Variants in ADAMTSL3 observed in about 807,000 individuals in gnomAD.
ADAMTSL3 encodes the protein ADAMTS-like protein 3.
A neutral mutation model predicts 201.7 loss-of-function variants in ADAMTSL3; 128 were observed. The observed-to-expected ratio is 0.63, with a 90% CI of 0.55 to 0.73. The LOEUF (loss-of-function observed/expected upper bound fraction) is 0.73, where lower values mean the gene tolerates loss of function less well. Ranked by LOEUF, ADAMTSL3 falls within the 30% of genes least tolerant of loss-of-function variation. ADAMTSL3 has a pLI of 0.00. For synonymous variants in ADAMTSL3, 738 were observed against 748.4 expected (o/e 0.99, Z 0.23); for missense variants, 1,990 against 2,119.6 (o/e 0.94, Z 1.20).
chr15:83,703,214 A>G (rs1016748732), intron 2 of ADAMTSL3, among the ~76,000 whole-genome samples: 2 of 152,158 alleles, frequency 1.3e-5, no homozygotes, highest in Admixed American at 1.3e-4. Context: ...TCTAGGAAGT[A>G]ACTAGCTTGC....
chr15:83,657,097 G>A (rs1455392250), intron 2 of ADAMTSL3, among the ~76,000 whole-genome samples: 3 of 152,196 alleles, frequency 2.0e-5, no homozygotes, highest in Non-Finnish European at 4.4e-5. Context: ...TCTGGCCAGC[G>A]AGATGACTGT....
chr15:83,667,450 C>T (rs974445085), intron 2 of ADAMTSL3, among the ~76,000 whole-genome samples: 3 of 148,316 alleles, frequency 2.0e-5, no homozygotes, highest in East Asian at 2.0e-4. Flanking sequence ...CAAACAACAA[C>T]AAAAAGAACA....
chr15:83,757,879 A>G (rs532426769), intron 3 of ADAMTSL3, among the ~76,000 whole-genome samples: 1 of 152,178 alleles, frequency 6.6e-6, no homozygotes, highest in South Asian at 2.1e-4. Context: ...GTACAAAATG[A>G]TGCCAGTCTC....
At chr15:83,943,595 A>G (rs1422663942) in intron 19 of ADAMTSL3, among the ~76,000 whole-genome samples, 1 of 152,252 alleles carries the variant, frequency 6.6e-6, no homozygotes, top group Non-Finnish European at 1.5e-5. Context: ...GGCTTGACCC[A>G]GTCTAGTAAT....
intron 6 of ADAMTSL3, among the ~76,000 whole-genome samples, chr15:83,823,879 CCTTCTTCTTCTTCCTCTTCTT>C (rs1304575713): frequency 0.017 from 2,362 of 141,488 alleles, 133 homozygotes; most frequent in South Asian, 0.043. Context: ...GACTCCATTT[CCTTCTTCTTCTTCCTCTTCTT>C]CTTCTTCTTC....
intron 20 of ADAMTSL3, among the ~76,000 whole-genome samples, chr15:83,974,924 C>T (rs2067256343): frequency 6.6e-6 from 1 of 151,594 alleles, no homozygotes; most frequent in Admixed American, 6.6e-5. Context: ...CAGCCCCTTC[C>T]CAGGGCTATC....
chr15:83,711,386 G>T (rs1338059545), intron 3 of ADAMTSL3, among the ~76,000 whole-genome samples: 1 of 152,174 alleles, frequency 6.6e-6, no homozygotes, highest in African/African-American at 2.4e-5. Flanking sequence ...GGTCTACTGG[G>T]TATTTTCATC....
At chr15:84,031,221 G>A in intron 27 of ADAMTSL3, 114 bp from the exon 28 acceptor site, 1 of 1,005,782 alleles carries the variant, frequency 9.9e-7, no homozygotes, top group South Asian at 1.4e-5. Context: ...GGGACAGTTG[G>A]TTACAGTCCC....
intron 23 of ADAMTSL3, among the ~76,000 whole-genome samples, chr15:83,996,429 A>G (rs993331702): frequency 6.6e-6 from 1 of 152,222 alleles, no homozygotes; most frequent in Non-Finnish European, 1.5e-5. Context: ...AATATTTGTT[A>G]TATAGTACCA....
At chr15:83,789,780 C>T (rs2063317157) in intron 4 of ADAMTSL3, among the ~76,000 whole-genome samples, 1 of 152,014 alleles carries the variant, frequency 6.6e-6, no homozygotes, top group Admixed American at 6.6e-5. Flanking sequence ...ACTGTTTTAC[C>T]CTCTTTAGAT....
chr15:84,031,195 C>T (rs1211992611), intron 27 of ADAMTSL3, 140 bp from the exon 28 acceptor site: 1 of 793,416 alleles, frequency 1.3e-6, no homozygotes. Context: ...CCCTAATCCT[C>T]TTTAACTCCC....
At chr15:83,770,891 C>T (rs2062971521) in intron 3 of ADAMTSL3, among the ~76,000 whole-genome samples, 1 of 152,044 alleles carries the variant, frequency 6.6e-6, no homozygotes, top group South Asian at 2.1e-4. Context: ...CACGGTGAAA[C>T]CCCATCTCTA....
At chr15:83,840,816 T>G (rs181545569) in intron 7 of ADAMTSL3, among the ~76,000 whole-genome samples, 21 of 152,234 alleles carry the variant, frequency 1.4e-4, no homozygotes, top group African/African-American at 5.1e-4. Context: ...TTAGAAACAT[T>G]GGAGTTTATA....
chr15:83,999,303 C>A (rs1261581889), intron 23 of ADAMTSL3, among the ~76,000 whole-genome samples: 2 of 152,162 alleles, frequency 1.3e-5, no homozygotes, highest in African/African-American at 4.8e-5. Flanking sequence ...CAGTTCCATA[C>A]AGCAGTGTAA....
At chr15:83,933,506 T>C (rs2066400158) in intron 17 of ADAMTSL3, among the ~76,000 whole-genome samples, 1 of 152,166 alleles carries the variant, frequency 6.6e-6, no homozygotes, top group African/African-American at 2.4e-5. Flanking sequence ...AAGCAAAGCA[T>C]AAAAGTTTAG....
intron 4 of ADAMTSL3, among the ~76,000 whole-genome samples, chr15:83,793,056 CAG>C (rs2063367372): frequency 1.3e-5 from 2 of 152,102 alleles, no homozygotes; most frequent in Non-Finnish European, 2.9e-5. Context: ...ACATGGAAGA[CAG>C]TATTTAAGTG....
intron 20 of ADAMTSL3, among the ~76,000 whole-genome samples, chr15:83,971,206 G>C (rs982921743): frequency 6.6e-6 from 1 of 152,130 alleles, no homozygotes; most frequent in East Asian, 1.9e-4. Context: ...GCATTCATCT[G>C]TATTTTCAGT....
chr15:83,746,037 T>C (rs578050687), intron 3 of ADAMTSL3, among the ~76,000 whole-genome samples: 1 of 152,248 alleles, frequency 6.6e-6, no homozygotes, highest in East Asian at 1.9e-4. Context: ...AGTGGCTCAG[T>C]GATGCTCTCA....
At chr15:83,859,346 C>T (rs916887953) in intron 8 of ADAMTSL3, among the ~76,000 whole-genome samples, 4 of 152,148 alleles carry the variant, frequency 2.6e-5, no homozygotes, top group Non-Finnish European at 5.9e-5. Flanking sequence ...GGCCCTTGGG[C>T]GTGATCTCCT....
Sources: allele counts gnomAD v4.1 joint callset (sites outside exome capture counted in the v4.1 genomes callset), GRCh38; gene constraint gnomAD v4.1.1; transcripts MANE v1.5; gene names NCBI Gene and HGNC (gene_info 2026-07-23, HGNC 2026-07-21).